The following WDR7 variants were observed in gnomAD, a reference collection of about 807,000 sequenced individuals.
WDR7 encodes the protein WD repeat domain 7, also known as WD repeat-containing protein 7.
Under a neutral mutation model 169.4 loss-of-function variants are expected in WDR7, and 46 were observed. The observed-to-expected ratio is 0.27, with a 90% CI of 0.21 to 0.35. The LOEUF (loss-of-function observed/expected upper bound fraction) is 0.35, where lower values mean the gene tolerates loss of function less well. Ranked by LOEUF, WDR7 falls within the 10% of genes least tolerant of loss-of-function variation. The pLI is 1.00. For missense variants in WDR7, 1,534 were observed against 1,859.3 expected (o/e 0.83, Z 3.22); for synonymous variants, 612 against 666.8 (o/e 0.92, Z 1.27).
In WDR7 at chr18:56,686,043, G is replaced by A; in HGVS notation, c.597+11G>A. The A allele has an allele frequency of 6.3e-7, 1 of 1,579,092 alleles. No homozygotes were observed. The highest frequency in any genetic ancestry group is 1.2e-5 in the South Asian group (1 of 85,782). ...ATAAGTGACATGCAGGTGAGAAAAA[G>A]GAAACTGGGGTGATTTCTCTGTTTT... On this transcript the variant is annotated intron_variant, in intron 6 of 27. Transcript: ENST00000254442.
chr18:56,920,672 G>A (rs1190296448), intron 21 of WDR7, among the ~76,000 whole-genome samples: 1 of 152,024 alleles, frequency 6.6e-6, no homozygotes, highest in Non-Finnish European at 1.5e-5. Flanking sequence ...GAGATACTGT[G>A]GAATAGTGGT....
intron 19 of WDR7, among the ~76,000 whole-genome samples, chr18:56,788,376 T>C (rs1028243930): frequency 1.3e-5 from 2 of 152,200 alleles, no homozygotes; most frequent in African/African-American, 4.8e-5. Context: ...GTTACCAATT[T>C]TTATTGCTAT....
chr18:56,913,930 A>G (rs1301669956), intron 21 of WDR7, among the ~76,000 whole-genome samples: 12 of 152,146 alleles, frequency 7.9e-5, no homozygotes. Context: ...CTCTTGCCCC[A>G]CTACGGTCTA....
chr18:56,806,837 C>T (rs1014259502), intron 19 of WDR7, among the ~76,000 whole-genome samples: 1 of 152,136 alleles, frequency 6.6e-6, no homozygotes, highest in African/African-American at 2.4e-5. Context: ...GAACATTGCA[C>T]TGTTTCCTAT....
chr18:57,010,192 T>C (rs781722521), intron 26 of WDR7: 8 of 985,352 alleles, frequency 8.1e-6, no homozygotes, highest in Admixed American at 6.1e-5. Context: ...AGTTTTCTAT[T>C]AGAAATACTG....
intron 16 of WDR7, among the ~76,000 whole-genome samples, chr18:56,768,574 A>T (rs1415236969): frequency 6.6e-6 from 1 of 152,190 alleles, no homozygotes; most frequent in Admixed American, 6.5e-5. Context: ...ATAAATAACC[A>T]ATTTAGGGTT....
intron 27 of WDR7, among the ~76,000 whole-genome samples, chr18:57,026,130 ACT>A (rs1568320182): frequency 6.6e-6 from 1 of 152,218 alleles, no homozygotes; most frequent in East Asian, 1.9e-4. Flanking sequence ...AAATCTTCAG[ACT>A]CAGTTGCTTA....
chr18:56,666,000 G>A (rs2025012808), intron 1 of WDR7, among the ~76,000 whole-genome samples: 1 of 152,020 alleles, frequency 6.6e-6, no homozygotes, highest in African/African-American at 2.4e-5. Flanking sequence ...ATCCGTCACT[G>A]GATGTGGGCT....
intron 21 of WDR7, among the ~76,000 whole-genome samples, chr18:56,892,717 T>A (rs1335341774): frequency 1.3e-5 from 2 of 152,080 alleles, no homozygotes; most frequent in African/African-American, 2.4e-5. Context: ...CAATCCCTAC[T>A]GTACATCATT....
intron 20 of WDR7, among the ~76,000 whole-genome samples, chr18:56,877,355 T>C (rs1458367473): frequency 6.6e-6 from 1 of 152,204 alleles, no homozygotes; most frequent in Non-Finnish European, 1.5e-5. Flanking sequence ...CACCATATCC[T>C]ACCCTCTGAC....
Position 56,814,054 on chromosome 18 carries a change from G to C in WDR7, c.3191-1977G>C, listed in dbSNP as rs1214727290. Among the ~76,000 whole-genome samples, 4 of 152,194 alleles carry C rather than the reference G, an allele frequency of 2.6e-5. No individual in the cohort carries two copies. In the South Asian group the frequency reaches 8.3e-4, roughly 31 times the overall value. Reference sequence around the variant, plus strand: ...TCCCCAGGAGCTTAGTCCCTGGAAAGACTTGGTGGTAAATTGATATTGAAG... The same window carrying C: ...TCCCCAGGAGCTTAGTCCCTGGAAACACTTGGTGGTAAATTGATATTGAAG... On this transcript the variant is annotated intron_variant, in intron 19 of 27. Transcript: ENST00000254442.
chr18:56,749,815 TATC>T (rs2043761101), intron 14 of WDR7, among the ~76,000 whole-genome samples: 1 of 151,924 alleles, frequency 6.6e-6, no homozygotes, highest in Non-Finnish European at 1.5e-5. Flanking sequence ...ACACTGAAAA[TATC>T]ATTATAATAT....
chr18:56,904,524 T>G (rs541569434), intron 21 of WDR7, among the ~76,000 whole-genome samples: 1 of 152,318 alleles, frequency 6.6e-6, no homozygotes, highest in African/African-American at 2.4e-5. Context: ...TGTAGCCTTT[T>G]GATTTCAAGA....
At chr18:56,838,352 T>C (rs1395787389) in intron 20 of WDR7, among the ~76,000 whole-genome samples, 1 of 152,228 alleles carries the variant, frequency 6.6e-6, no homozygotes, top group Admixed American at 6.5e-5. Context: ...ATTGAACTGT[T>C]GACTGATTGT....
Position 56,675,744 on chromosome 18 carries a change from A to G in WDR7, c.159+3070A>G, listed in dbSNP as rs929005920. On this transcript the variant is annotated intron_variant, in intron 2 of 27. Coordinates refer to ENST00000254442, the MANE Select transcript of WDR7 (RefSeq NM_015285.3). ...GGATGGCACCTCCATAACAATATTG[A>G]ATAGAAGTGGCAAGAGTGGACATCC... Among the ~76,000 whole-genome samples, 47 of 152,020 alleles carry G rather than the reference A, an allele frequency of 3.1e-4. 1 individual carries two copies. The highest frequency in any genetic ancestry group is 3.1e-3 in the Admixed American group (47 of 15,240).
chr18:56,939,631 G>A (rs935980788), intron 25 of WDR7, among the ~76,000 whole-genome samples: 2 of 152,078 alleles, frequency 1.3e-5, no homozygotes, highest in Non-Finnish European at 2.9e-5. Context: ...AAATGAGTAA[G>A]AGAGAACATT....
intron 1 of WDR7, among the ~76,000 whole-genome samples, chr18:56,654,313 G>T (rs2024719782): frequency 6.6e-6 from 1 of 152,108 alleles, no homozygotes. Context: ...TGTATTTTTA[G>T]AAGAGACGGA....
chr18:56,880,362 C>G (rs1293687405), intron 21 of WDR7, among the ~76,000 whole-genome samples, 197 bp downstream of exon 21: 1 of 152,178 alleles, frequency 6.6e-6, no homozygotes, highest in African/African-American at 2.4e-5. Context: ...AAAACATCGT[C>G]TTTTAAATGC....
In WDR7 at chr18:56,790,213, G is replaced by C. The variant is rs146849293; in HGVS notation, c.3190+8557G>C. Among the ~76,000 whole-genome samples the C allele has an allele frequency of 1.4e-3, 214 of 152,288 alleles. 3 individuals carry two copies. In the South Asian group the frequency reaches 0.022, roughly 16 times the overall value. On this transcript the variant is annotated intron_variant, in intron 19 of 27. Transcript: ENST00000254442. ...TTCTAGCACATGGTATTCCAGTACA[G>C]ATACTCAGAGTCATGTCCAACTTGT...
Sources: allele counts gnomAD v4.1 joint callset (sites outside exome capture counted in the v4.1 genomes callset), GRCh38; gene constraint gnomAD v4.1.1; transcripts MANE v1.5; gene names NCBI Gene and HGNC (gene_info 2026-07-23, HGNC 2026-07-21).